The following KIF16B variants were observed in gnomAD, a reference collection of about 807,000 sequenced individuals.
The protein encoded by KIF16B is kinesin family member 16B, also known as kinesin-like protein KIF16B.
In KIF16B, 98 loss-of-function variants were observed where a neutral mutation model predicts 156.3. The ratio of observed to expected loss-of-function variants is 0.63; its 90% CI spans 0.53 to 0.74. KIF16B has a LOEUF of 0.74. KIF16B is among the 30% of genes least tolerant of loss of function. The probability of loss-of-function intolerance (pLI) is 0.00; values close to 1 mark genes in which losing one functional copy is unlikely to be tolerated. For synonymous variants in KIF16B, 564 were observed against 583.7 expected, an observed-to-expected ratio of 0.97 and a Z score of 0.49; for missense variants, 1,421 against 1,606.5, an observed-to-expected ratio of 0.88 and a Z score of 1.97.
intron 23 of KIF16B, among the ~76,000 whole-genome samples, chr20:16,355,723 C>T (rs904944789): frequency 2.6e-5 from 4 of 152,200 alleles, no homozygotes; most frequent in East Asian, 1.9e-4. Context: ...AAAACCATGA[C>T]GTAAGGAAAC....
At chr20:16,518,312 G>C (rs1490969596) in intron 3 of KIF16B, among the ~76,000 whole-genome samples, 2 of 152,210 alleles carry the variant, frequency 1.3e-5, no homozygotes, top group African/African-American at 4.8e-5. Context: ...AACCAAGGTG[G>C]GAAGCGGGGC....
chr20:16,522,415 T>C (rs2069386095), intron 3 of KIF16B, among the ~76,000 whole-genome samples: 1 of 152,058 alleles, frequency 6.6e-6, no homozygotes, highest in Non-Finnish European at 1.5e-5. Context: ...GATCAAAAAT[T>C]ACAAAGAAGG....
At chr20:16,308,813 G>T (rs113082285) in intron 25 of KIF16B, among the ~76,000 whole-genome samples, 1 of 152,198 alleles carries the variant, frequency 6.6e-6, no homozygotes, top group African/African-American at 2.4e-5. Flanking sequence ...CCTAAGTTAC[G>T]CTATCTCACT....
chr20:16,297,502 C>A (rs964741428), intron 25 of KIF16B, among the ~76,000 whole-genome samples: 3 of 151,994 alleles, frequency 2.0e-5, no homozygotes, highest in African/African-American at 4.8e-5. Context: ...ACCATTCTGG[C>A]TGGCTAACAC....
intron 24 of KIF16B, among the ~76,000 whole-genome samples, chr20:16,313,132 G>A (rs2063646201): frequency 6.6e-6 from 1 of 152,210 alleles, no homozygotes; most frequent in South Asian, 2.1e-4. Context: ...ATAATCTGAT[G>A]AGAATCCAAC....
intron 25 of KIF16B, among the ~76,000 whole-genome samples, chr20:16,278,628 G>T (rs2063099149): frequency 6.6e-6 from 1 of 152,214 alleles, no homozygotes; most frequent in African/African-American, 2.4e-5. Context: ...CTGTTCCAAA[G>T]AAAGTGTGAC....
chr20:16,516,419 A>G (rs1218729182), intron 3 of KIF16B, among the ~76,000 whole-genome samples: 3 of 152,222 alleles, frequency 2.0e-5, no homozygotes, highest in South Asian at 2.1e-4. Context: ...ATCAAGGTTC[A>G]AAGTCTTAGT....
intron 17 of KIF16B, among the ~76,000 whole-genome samples, chr20:16,383,319 T>C (rs1274059439): frequency 2.6e-5 from 4 of 152,176 alleles, no homozygotes; most frequent in African/African-American, 4.8e-5. Flanking sequence ...GTCACAGTGG[T>C]AATAGGTGGT....
intron 12 of KIF16B, among the ~76,000 whole-genome samples, chr20:16,490,631 A>G (rs2068260987): frequency 6.6e-6 from 1 of 152,154 alleles, no homozygotes; most frequent in South Asian, 2.1e-4. Flanking sequence ...AAACAAGGCC[A>G]TATGAAGACA....
At chr20:16,518,162 C>T (rs959568666) in intron 3 of KIF16B, among the ~76,000 whole-genome samples, 1 of 152,094 alleles carries the variant, frequency 6.6e-6, no homozygotes, top group Non-Finnish European at 1.5e-5. Context: ...CTCAGTGAGT[C>T]TCAAATAACC....
chr20:16,522,684 T>C (rs1321815239), intron 3 of KIF16B, among the ~76,000 whole-genome samples: 5 of 152,140 alleles, frequency 3.3e-5, no homozygotes, highest in Admixed American at 6.5e-5. Context: ...TAGATAGCTA[T>C]AGAACTCTCC....
chr20:16,369,592 G>GTT (rs955273912), intron 22 of KIF16B, among the ~76,000 whole-genome samples: 1 of 152,108 alleles, frequency 6.6e-6, no homozygotes, highest in Admixed American at 6.5e-5. Context: ...CTGATTCAAT[G>GTT]TTTAGAAGGT....
chr20:16,316,729 A>C (rs1256308545), intron 24 of KIF16B, among the ~76,000 whole-genome samples: 1 of 152,222 alleles, frequency 6.6e-6, no homozygotes, highest in African/African-American at 2.4e-5. Flanking sequence ...CCACAAGTGC[A>C]AAGCTATTGC....
chr20:16,388,998 C>G (rs2065295201), intron 17 of KIF16B, among the ~76,000 whole-genome samples: 1 of 152,100 alleles, frequency 6.6e-6, no homozygotes, highest in South Asian at 2.1e-4. Context: ...AAGCTGAGTC[C>G]AGCCCACAAC....
intron 23 of KIF16B, among the ~76,000 whole-genome samples, chr20:16,340,721 T>G (rs966622221): frequency 6.6e-6 from 1 of 152,212 alleles, no homozygotes; most frequent in African/African-American, 2.4e-5. Context: ...GTTGCACCAT[T>G]TTTTGAAATC....
chr20:16,364,296 T>C (rs896809955), intron 22 of KIF16B, among the ~76,000 whole-genome samples: 1 of 152,230 alleles, frequency 6.6e-6, no homozygotes, highest in Non-Finnish European at 1.5e-5. Flanking sequence ...ATGAAATCAC[T>C]ATTTCAAAAG....
intron 23 of KIF16B, among the ~76,000 whole-genome samples, chr20:16,353,357 A>C (rs6080236): frequency 0.081 from 12,377 of 152,256 alleles, 541 homozygotes; most frequent in African/African-American, 0.11. Flanking sequence ...GCAAGCAAAC[A>C]ACCAAAAAGA....
At chr20:16,386,160 C>T (rs1027792482) in intron 17 of KIF16B, among the ~76,000 whole-genome samples, 1 of 152,088 alleles carries the variant, frequency 6.6e-6, no homozygotes, top group Non-Finnish European at 1.5e-5. Flanking sequence ...TTACCCAGGA[C>T]ACACGTGTAG....
At chr20:16,515,897 A>G (rs1238683161) in intron 3 of KIF16B, among the ~76,000 whole-genome samples, 1 of 152,252 alleles carries the variant, frequency 6.6e-6, no homozygotes, top group Non-Finnish European at 1.5e-5. Flanking sequence ...ACTTAAGTTT[A>G]CCAAAAAATA....
Sources: allele counts gnomAD v4.1 joint callset (sites outside exome capture counted in the v4.1 genomes callset), GRCh38; gene constraint gnomAD v4.1.1; transcripts MANE v1.5; gene names NCBI Gene and HGNC (gene_info 2026-07-23, HGNC 2026-07-21).